The following SH2B2 variants were observed in gnomAD, a reference collection of about 807,000 sequenced individuals.
SH2B2 encodes SH2B adaptor protein 2.
SH2B2 carries 37 observed loss-of-function variants against 35.7 expected under a neutral mutation model. That is an observed-to-expected ratio of 1.04 (90% confidence interval 0.80 to 1.36). The LOEUF (loss-of-function observed/expected upper bound fraction) is 1.36, where lower values mean the gene tolerates loss of function less well. SH2B2 is among the 40% of genes most tolerant of loss of function. The pLI, the probability that SH2B2 is intolerant of heterozygous loss-of-function variation, is 0.00. For missense variants in SH2B2, 852 were observed against 817.7 expected (o/e 1.04, Z -0.51); for synonymous variants, 383 against 376.4 (o/e 1.02, Z -0.20).
Position 102,321,437 on chromosome 7 carries a change from C to A in SH2B2, c.1706C>A (p.Ser569Tyr). 3.1e-6 allele frequency: 4 copies of A among 1,300,714 alleles called. No individual in the cohort carries two copies. The highest frequency in any genetic ancestry group is 3.9e-6 in the Non-Finnish European group (4 of 1,021,864). The allele number at this position is 1,300,714 out of a possible 1,614,324, so 80.6% of individuals were successfully genotyped here. A position where few individuals can be genotyped will look rare whatever the true frequency, so the allele number is the denominator to read the frequency against. ...SPSDAAGASS[S>Y]SASSSSAASG... ...TCCGACGCCGCCGGCGCCTCCTCGT[C>A]TTCCGCCTCGTCGTCCTCTGCCGCG... The change falls in exon 9 of 9, where the codon TCT (serine) becomes TAT (tyrosine). Residue 569 changes from serine (S) to tyrosine (Y), a missense_variant. Physicochemically the swap from Ser to Tyr is moderately radical, Grantham distance 144 (BLOSUM62 -2). Transcript: ENST00000444095.
rs1563573613 is a variant in SH2B2 at position 102,321,592 on chromosome 7, C to T, written c.1861C>T (p.Arg621Cys). The T allele has an allele frequency of 2.6e-6, 3 of 1,145,422 alleles. No individual in the cohort carries two copies. The highest frequency in any genetic ancestry group is 4.9e-5 in the Admixed American group (1 of 20,502). 71.0% of individuals were successfully genotyped at this position (1,145,422 alleles called of 1,614,324 possible). The change falls in exon 9 of 9, where the codon CGC (arginine) becomes TGC (cysteine). Residue 621 changes from arginine to cysteine, a missense_variant. By Grantham distance (180) the Arg-to-Cys change is radical. Around this residue, in one of 3 missense-constraint regions of SH2B2, gnomAD observed 556 missense variants for 514.5 expected, o/e 1.08. Transcript: ENST00000444095. ...GGAGCCCCCGGAGGCCGCGCCCGGCCGCGCGCGCGCCGTGGAGAACCAGTA... is the reference window on the plus strand; with the variant it reads ...GGAGCCCCCGGAGGCCGCGCCCGGCTGCGCGCGCGCCGTGGAGAACCAGTA... ...AEEPPEAAPG[R>C]ARAVENQYSF...
In SH2B2 at chr7:102,314,427, G is replaced by A. The variant is rs957541768; in HGVS notation, c.1015G>A (p.Ala339Thr). 3.9e-4 allele frequency: 157 copies of A among 398,760 alleles called. No homozygotes were observed. Among genetic ancestry groups the A allele is most frequent in the African/African-American group, 2.8e-3 (137 of 48,686 alleles). The allele number at this position is 398,760 out of a possible 1,614,324, so 24.7% of individuals were successfully genotyped here. A position where few individuals can be genotyped will look rare whatever the true frequency, so the allele number is the denominator to read the frequency against. Residue 339 changes from alanine to threonine, a missense_variant and splice_region_variant, in exon 5 of 9, where the codon GCA becomes ACA. Physicochemically the swap from Ala to Thr is moderately conservative, Grantham distance 58. This residue lies in a region of SH2B2 where 556 missense variants were observed against 514.5 expected (regional missense o/e 1.08). Coordinates refer to ENST00000444095, the MANE Select transcript of SH2B2 (RefSeq NM_001359228.2). Reference sequence around the variant, plus strand: ...CTGCAGCTGTGAGCTCCTGACTGATGGTAGGTAGGGGGACAGGGTTGAAGG... The same window carrying A: ...CTGCAGCTGTGAGCTCCTGACTGATAGTAGGTAGGGGGACAGGGTTGAAGG... ...ASCSCELLTD[A>T]VDLPRPPETT...
intron 1 of SH2B2, 127 bp from the exon 2 acceptor site, chr7:102,300,393 AAC>A (rs1303293236): frequency 3.4e-6 from 4 of 1,177,374 alleles, no homozygotes; most frequent in Non-Finnish European, 4.6e-6. Context: ...GTAGTCCCAC[AAC>A]ACACACGTGT....
In SH2B2 at chr7:102,300,726, C is replaced by A; in HGVS notation, c.176C>A (p.Ala59Asp). ...NPAYDTPDAG[A>D]SFSRHFAANF... ...GCTTACGACACGCCCGACGCCGGCG[C>A]CTCCTTCTCCCGCCACTTCGCCGCC... The change falls in exon 2 of 9, where the codon GCC becomes GAC. Residue 59 changes from alanine to aspartate, a missense_variant. Physicochemically the swap from Ala to Asp is moderately radical, Grantham distance 126. This residue lies in a region of SH2B2 where 294 missense variants were observed against 286.6 expected (regional missense o/e 1.03). Coordinates refer to ENST00000444095, the MANE Select transcript of SH2B2 (RefSeq NM_001359228.2). 1.3e-6 allele frequency: 2 copies of A among 1,528,940 alleles called. No individual in the cohort carries two copies. Among genetic ancestry groups the A allele is most frequent in the Non-Finnish European group, 1.8e-6 (2 of 1,134,040 alleles). 94.7% of individuals were successfully genotyped at this position (1,528,940 alleles called of 1,614,324 possible).
At chr7:102,315,662 A>G (rs1793797045) in intron 6 of SH2B2, among the ~76,000 whole-genome samples, 2 of 148,730 alleles carry the variant, frequency 1.3e-5, no homozygotes, top group African/African-American at 4.9e-5. Context: ...GGATCACTTG[A>G]GCCCAGGAGG....
chr7:102,290,242 T>C (rs1341624620), intron 1 of SH2B2, among the ~76,000 whole-genome samples: 13 of 3,252 alleles, frequency 4.0e-3, no homozygotes, highest in South Asian at 0.015. Context: ...CATACCCCCC[T>C]TTTTTTTTTT....
intron 4 of SH2B2, among the ~76,000 whole-genome samples, chr7:102,311,427 A>T (rs4729782): frequency 9.2e-5 from 14 of 151,664 alleles, no homozygotes; most frequent in African/African-American, 3.4e-4. Context: ...GCTAATTTTT[A>T]TATTTTTAGC....
In SH2B2 at chr7:102,300,595, A is replaced by G. The variant is rs782641809; in HGVS notation, c.45A>G (p.Pro15=). 68 of 1,550,018 alleles carry G rather than the reference A, an allele frequency of 4.4e-5. No homozygotes were observed. The highest frequency in any genetic ancestry group is 1.7e-4 in the Middle Eastern group (1 of 6,006). Reference sequence around the variant, plus strand: ...GCCCCGCCGCAGCCGCCCCGGTCCCAGTCCCGGTCCCGGTCCCGGACTGGC... The same window carrying G: ...GCCCCGCCGCAGCCGCCCCGGTCCCGGTCCCGGTCCCGGTCCCGGACTGGC... The part of the protein sequence containing the change: ...GPGPAAAAPV[P]VPVPVPDWRQ... The change falls in exon 2 of 9, where the codon CCA becomes CCG. Residue 15 remains proline (P), a synonymous_variant. Transcript: ENST00000444095.
At chr7:102,298,727 C>A (rs539156066) in intron 1 of SH2B2, among the ~76,000 whole-genome samples, 2 of 151,980 alleles carry the variant, frequency 1.3e-5, no homozygotes, top group East Asian at 3.9e-4. Context: ...CCACCTTGCC[C>A]AGCTAATTTT....
chr7:102,310,946 C>T (rs782286360), intron 4 of SH2B2, among the ~76,000 whole-genome samples: 1 of 152,160 alleles, frequency 6.6e-6, no homozygotes, highest in African/African-American at 2.4e-5. Flanking sequence ...GGATCATGGG[C>T]CCTCAGTGGG....
At chr7:102,302,248 G>A (rs913591278) in intron 2 of SH2B2, among the ~76,000 whole-genome samples, 4 of 152,234 alleles carry the variant, frequency 2.6e-5, no homozygotes, top group Non-Finnish European at 4.4e-5. Flanking sequence ...TCCCAGAGCC[G>A]AGGCCTGCAG....
chr7:102,310,091 G>C (rs963581358), intron 4 of SH2B2, among the ~76,000 whole-genome samples: 1 of 152,134 alleles, frequency 6.6e-6, no homozygotes, highest in South Asian at 2.1e-4. Context: ...CGAGGCAGGC[G>C]GATCACCTGA....
intron 2 of SH2B2, among the ~76,000 whole-genome samples, chr7:102,305,900 T>TTC (rs1275796450): frequency 6.9e-6 from 1 of 145,200 alleles, no homozygotes; most frequent in Non-Finnish European, 1.5e-5. Context: ...TTTCTTTTTT[T>TTC]TTTTTTTTTT....
In SH2B2 at chr7:102,317,204, ACGGATCCCGAGG is replaced by A. The variant is rs1586604213; in HGVS notation, c.1206_1217del (p.Asp403_Ala406del). 1 of 1,604,668 alleles carries A rather than the reference ACGGATCCCGAGG, an allele frequency of 6.2e-7. No individual in the cohort carries two copies. The highest frequency in any genetic ancestry group is 2.3e-5 in the East Asian group (1 of 44,392). On this transcript the variant is annotated inframe_deletion, in exon 7 of 9. Transcript: ENST00000444095. ...CACCTCAGGGGAACAGGGTGCAGAGACGGATCCCGAGGCTGAACCCGAGCTGGAGCTATCCGA... is the reference window on the plus strand; with the variant it reads ...CACCTCAGGGGAACAGGGTGCAGAGACTGAACCCGAGCTGGAGCTATCCGA...
upstream of SH2B2, chr7:102,285,389 T>C: frequency 1.4e-6 from 1 of 695,124 alleles, no homozygotes; most frequent in East Asian, 2.7e-5. Flanking sequence ...CATTCATAGG[T>C]GTCCTGGTTC....
At chr7:102,312,834 G>A (rs1397210979) in intron 4 of SH2B2, among the ~76,000 whole-genome samples, 1 of 152,018 alleles carries the variant, frequency 6.6e-6, no homozygotes, top group Non-Finnish European at 1.5e-5. Context: ...CTTTTATTAA[G>A]ATGAGATTCT....
At chr7:102,293,964 A>AAGAC (rs1365961592) in intron 1 of SH2B2, among the ~76,000 whole-genome samples, 1 of 152,066 alleles carries the variant, frequency 6.6e-6, no homozygotes, top group African/African-American at 2.4e-5. Context: ...GTTAAAGACC[A>AAGAC]TAGGGTCTTG....
chr7:102,308,631 G>T (rs950167672), intron 3 of SH2B2, among the ~76,000 whole-genome samples, 184 bp from the exon 4 acceptor site: 9 of 152,206 alleles, frequency 5.9e-5, no homozygotes, highest in African/African-American at 2.2e-4. Context: ...GTGTGAGCTG[G>T]GTCCCTGGCC....
intron 2 of SH2B2, among the ~76,000 whole-genome samples, chr7:102,306,431 C>G (rs530093807): frequency 7.9e-5 from 12 of 152,186 alleles, no homozygotes; most frequent in African/African-American, 2.9e-4. Context: ...GCTATGCTGT[C>G]CAGGCTGTCC....
Sources: allele counts gnomAD v4.1 joint callset (sites outside exome capture counted in the v4.1 genomes callset), GRCh38; gene constraint gnomAD v4.1.1; regional missense constraint gnomAD v4.1.1; transcripts MANE v1.5; gene names NCBI Gene and HGNC (gene_info 2026-07-23, HGNC 2026-07-21).